Variants in GRIN2A observed in about 807,000 individuals in gnomAD.
GRIN2A encodes the protein glutamate ionotropic receptor NMDA type subunit 2A.
In GRIN2A, 22 loss-of-function variants were observed where a neutral mutation model predicts 113.4. The ratio of observed to expected loss-of-function variants is 0.19; its 90% CI spans 0.14 to 0.28. The LOEUF is 0.28. Among genes scored for constraint, GRIN2A ranks in the 10% least tolerant of loss-of-function variants. The probability of loss-of-function intolerance (pLI) is 1.00; values close to 1 mark genes in which losing one functional copy is unlikely to be tolerated. For missense variants in GRIN2A, 1,502 were observed against 1,887.0 expected, an observed-to-expected ratio of 0.80 and a Z score of 3.78; for synonymous variants, 827 against 738.4, an observed-to-expected ratio of 1.12 and a Z score of -1.94.
At chr16:9,825,604 A>T (rs2042373345) in intron 9 of GRIN2A, among the ~76,000 whole-genome samples, 1 of 152,194 alleles carries the variant, frequency 6.6e-6, no homozygotes, top group African/African-American at 2.4e-5. Flanking sequence ...AAAAATATCT[A>T]TCTGTCTTCT....
chr16:10,023,225 A>C (rs1005646673), intron 2 of GRIN2A, among the ~76,000 whole-genome samples: 1 of 152,198 alleles, frequency 6.6e-6, no homozygotes. Context: ...GTTCAGCTGC[A>C]TTCCCAAGCT....
chr16:9,904,086 G>A (rs2043984677), intron 3 of GRIN2A, among the ~76,000 whole-genome samples: 1 of 152,196 alleles, frequency 6.6e-6, no homozygotes, highest in African/African-American at 2.4e-5. Context: ...TACCCTTAAG[G>A]AAATCAAGTT....
At chr16:9,803,196 G>T (rs765101632) in intron 10 of GRIN2A, among the ~76,000 whole-genome samples, 1 of 151,974 alleles carries the variant, frequency 6.6e-6, no homozygotes, top group Non-Finnish European at 1.5e-5. Flanking sequence ...CCTGAGGTCG[G>T]GAGTTTGAGA....
At chr16:10,119,857 A>G (rs2048800519) in intron 2 of GRIN2A, among the ~76,000 whole-genome samples, 1 of 152,096 alleles carries the variant, frequency 6.6e-6, no homozygotes, top group Admixed American at 6.5e-5. Flanking sequence ...TTCCTGCATT[A>G]GTTTGCTAAG....
chr16:10,148,271 G>A (rs2049487900), intron 2 of GRIN2A, among the ~76,000 whole-genome samples: 2 of 152,186 alleles, frequency 1.3e-5, no homozygotes. Context: ...CGGCAGAGTT[G>A]AGTAGTTGCA....
intron 2 of GRIN2A, among the ~76,000 whole-genome samples, chr16:10,153,374 G>A (rs76357208): frequency 1.3e-5 from 2 of 152,178 alleles, no homozygotes; most frequent in Non-Finnish European, 2.9e-5. Context: ...CAGTATCTAG[G>A]TGCTGGGGGG....
intron 3 of GRIN2A, among the ~76,000 whole-genome samples, chr16:9,898,428 TTA>T (rs1259725681): frequency 2.0e-5 from 3 of 152,214 alleles, no homozygotes; most frequent in African/African-American, 7.2e-5. Flanking sequence ...GATTTCTATT[TTA>T]TCTCTTTCGT....
chr16:10,040,570 ATT>A (rs2047144456), intron 2 of GRIN2A, among the ~76,000 whole-genome samples: 1 of 102,918 alleles, frequency 9.7e-6, no homozygotes, highest in Non-Finnish European at 2.0e-5. Context: ...AAACCCACAT[ATT>A]CACACACACA....
intron 11 of GRIN2A, among the ~76,000 whole-genome samples, chr16:9,790,519 C>T (rs1394812900): frequency 1.3e-5 from 2 of 152,092 alleles, no homozygotes; most frequent in Non-Finnish European, 2.9e-5. Flanking sequence ...ATATATGTGC[C>T]TCATATGCAT....
chr16:10,139,512 C>T (rs1424654370), intron 2 of GRIN2A, among the ~76,000 whole-genome samples: 1 of 152,206 alleles, frequency 6.6e-6, no homozygotes, highest in African/African-American at 2.4e-5. Context: ...TTGGCCTGTG[C>T]AATTTAAACA....
At chr16:9,989,143 T>C (rs1394362746) in intron 2 of GRIN2A, among the ~76,000 whole-genome samples, 2 of 152,156 alleles carry the variant, frequency 1.3e-5, no homozygotes, top group Non-Finnish European at 2.9e-5. Context: ...AACTTCAAAC[T>C]ATACTACAAT....
chr16:9,801,344 C>T (rs1185571454), intron 10 of GRIN2A, among the ~76,000 whole-genome samples: 1 of 152,132 alleles, frequency 6.6e-6, no homozygotes, highest in Non-Finnish European at 1.5e-5. Flanking sequence ...CTCCATTCCT[C>T]AAAAAATAAA....
At chr16:10,020,457 A>C (rs1454034623) in intron 2 of GRIN2A, among the ~76,000 whole-genome samples, 1 of 152,220 alleles carries the variant, frequency 6.6e-6, no homozygotes, top group Non-Finnish European at 1.5e-5. Context: ...GTAGATGATC[A>C]ATAAATATAA....
chr16:9,754,353 CTAACTA>C lies in GRIN2A; in HGVS notation c.*8790_*8795del. 4.8e-6 allele frequency: 1 copy of C among 208,324 alleles called. No individual in the cohort carries two copies. The highest frequency in any genetic ancestry group is 7.3e-5 in the East Asian group (1 of 13,774). 12.9% of individuals were successfully genotyped at this position (208,324 alleles called of 1,614,324 possible). On this transcript the variant is annotated 3_prime_UTR_variant, in exon 13 of 13. Coordinates refer to ENST00000330684, the MANE Select transcript of GRIN2A (RefSeq NM_001134407.3). The stretch of plus-strand genomic sequence containing the variant: ...GGTTTGGAAGGCATCTGAGCCACAT[CTAACTA>C]TGTCACTGCTGTGTCAAGCAGTTTT...
At chr16:9,832,739 C>T (rs2042518637) in intron 8 of GRIN2A, among the ~76,000 whole-genome samples, 1 of 152,172 alleles carries the variant, frequency 6.6e-6, no homozygotes, top group Admixed American at 6.5e-5. Flanking sequence ...AGATTCCACC[C>T]TGTTGGAAAT....
intron 2 of GRIN2A, among the ~76,000 whole-genome samples, chr16:10,024,391 T>G (rs746665410): frequency 1.3e-5 from 2 of 152,144 alleles, no homozygotes; most frequent in Non-Finnish European, 2.9e-5. Context: ...CCCAGCTAAT[T>G]TTATTTTTAG....
intron 2 of GRIN2A, among the ~76,000 whole-genome samples, chr16:10,109,054 G>C (rs949727853): frequency 6.8e-6 from 1 of 146,972 alleles, no homozygotes; most frequent in Non-Finnish European, 1.5e-5. Context: ...ATAAACCTAG[G>C]TAGACTGATC....
chr16:9,948,521 G>C, intron 2 of GRIN2A, among the ~76,000 whole-genome samples: 1 of 152,210 alleles, frequency 6.6e-6, no homozygotes, highest in East Asian at 1.9e-4. Context: ...CTGGTGCCAG[G>C]TGACCTCTGT....
Position 10,039,813 on chromosome 16 carries a change from A to AGAGAGAGAG in GRIN2A, c.415-101263_415-101262insCTCTCTCTC, listed in dbSNP as rs1555469303. ...GAGGGGGAGGGGGAGGGGGGGGAGAAAGAGAGAGAGAGAGAGAGAGAGGAG... is the reference window on the plus strand; with the variant it reads ...GAGGGGGAGGGGGAGGGGGGGGAGAAGAGAGAGAGAGAGAGAGAGAGAGAGAGAGAGGAG... On this transcript the variant is annotated intron_variant, in intron 2 of 12. Coordinates refer to ENST00000330684, the MANE Select transcript of GRIN2A (RefSeq NM_001134407.3). Among the ~76,000 whole-genome samples the AGAGAGAGAG allele has an allele frequency of 5.3e-4, 39 of 73,574 alleles. 1 individual carries two copies. The highest frequency in any genetic ancestry group is 1.1e-3 in the African/African-American group (17 of 15,016). The allele number at this position is 73,574 out of a possible 152,430, so 48.3% of individuals were successfully genotyped here. A position where few individuals can be genotyped will look rare whatever the true frequency, so the allele number is the denominator to read the frequency against.
Sources: allele counts gnomAD v4.1 joint callset (sites outside exome capture counted in the v4.1 genomes callset), GRCh38; gene constraint gnomAD v4.1.1; transcripts MANE v1.5; gene names NCBI Gene and HGNC (gene_info 2026-07-23, HGNC 2026-07-21).